Variants in TCERG1L observed in about 807,000 individuals in gnomAD.
The protein encoded by TCERG1L is transcription elongation regulator 1-like protein.
TCERG1L carries 37 observed loss-of-function variants against 56.3 expected under a neutral mutation model. The observed-to-expected ratio is 0.66, with a 90% CI of 0.51 to 0.87. The LOEUF is 0.87. Ranked by LOEUF, TCERG1L falls within the 40% of genes least tolerant of loss-of-function variation. The pLI is 0.00. For synonymous variants in TCERG1L, 324 were observed against 326.3 expected, an observed-to-expected ratio of 0.99 and a Z score of 0.08; for missense variants, 799 against 774.2, an observed-to-expected ratio of 1.03 and a Z score of -0.38.
intron 1 of TCERG1L, among the ~76,000 whole-genome samples, chr10:131,310,313 A>G (rs535352427): frequency 1.3e-5 from 2 of 152,352 alleles, no homozygotes; most frequent in South Asian, 2.1e-4. Context: ...ATAAAATCCA[A>G]AATAAACTGC....
Position 131,163,188 on chromosome 10 carries a change from C to A in TCERG1L, c.968G>T (p.Gly323Val). The A allele has an allele frequency of 2.6e-6, 4 of 1,558,462 alleles. No homozygotes were observed. Among genetic ancestry groups the A allele is most frequent in the Middle Eastern group, 1.7e-4 (1 of 5,932 alleles). Residue 323 changes from glycine (G) to valine (V), a missense_variant, in exon 6 of 12, where the codon GGA becomes GTA. Physicochemically the swap from Gly to Val is moderately radical, Grantham distance 109 (BLOSUM62 -3). Transcript: ENST00000368642. ...EDKEPPPMLG[G>V]GEDSTARGNR... ...GCCTCTGGCTGTGCTGTCCTCTCCT[C>A]CCCCCAGCATCGGTGGAGGCTCCTT...
intron 5 of TCERG1L, among the ~76,000 whole-genome samples, chr10:131,163,588 G>A (rs746635802): frequency 2.6e-5 from 4 of 152,158 alleles, no homozygotes; most frequent in Non-Finnish European, 5.9e-5. Flanking sequence ...GAGTCACTGT[G>A]CCATGAAAAC....
At chr10:131,283,466 A>C (rs1846486277) in intron 3 of TCERG1L, among the ~76,000 whole-genome samples, 1 of 152,244 alleles carries the variant, frequency 6.6e-6, no homozygotes, top group Non-Finnish European at 1.5e-5. Flanking sequence ...CCAAGTATTA[A>C]GAGGAAATGA....
rs1317699211 is a variant in TCERG1L, at chr10:131,260,513, G to A, written c.671-69C>T. The A allele has an allele frequency of 1.7e-5, 22 of 1,317,052 alleles. No homozygotes were observed. The highest frequency in any genetic ancestry group is 1.2e-4 in the South Asian group (5 of 41,984). 81.6% of individuals were successfully genotyped at this position (1,317,052 alleles called of 1,614,324 possible). A position where few individuals can be genotyped will look rare whatever the true frequency, so the allele number is the denominator to read the frequency against. ...GCCATGGGTGACAGATGCCCATCTC[G>A]CTACCGCAAGATATCAGCCCCCAGA... On this transcript the variant is annotated intron_variant, in intron 3 of 11. Coordinates refer to ENST00000368642, the MANE Select transcript of TCERG1L (RefSeq NM_174937.4). The surrounding 1 kb of genome is among the most constrained non-coding windows in gnomAD (Gnocchi z 5.8).
At chr10:131,212,622 T>G (rs991575849) in intron 4 of TCERG1L, among the ~76,000 whole-genome samples, 1 of 152,200 alleles carries the variant, frequency 6.6e-6, no homozygotes, top group African/African-American at 2.4e-5. Context: ...TCTTAGGTAC[T>G]CTCCTGAAAT....
intron 9 of TCERG1L, among the ~76,000 whole-genome samples, chr10:131,108,101 C>T (rs958055222): frequency 8.5e-5 from 13 of 152,170 alleles, no homozygotes; most frequent in Non-Finnish European, 5.9e-5. Flanking sequence ...CCGTCTATGT[C>T]GTGGGACTGT....
chr10:131,187,356 ATTGCAGAGAGCT>A (rs889255943), intron 4 of TCERG1L, among the ~76,000 whole-genome samples: 2 of 152,198 alleles, frequency 1.3e-5, no homozygotes, highest in Non-Finnish European at 2.9e-5. Flanking sequence ...AGGCCCAGCC[ATTGCAGAGAGCT>A]GAGAAGTTTG....
chr10:131,221,845 C>T (rs1228032157), intron 4 of TCERG1L, among the ~76,000 whole-genome samples: 4 of 152,204 alleles, frequency 2.6e-5, no homozygotes, highest in African/African-American at 9.7e-5. Flanking sequence ...GCCGCTGCCT[C>T]CACGTTGGGA....
chr10:131,172,122 G>A (rs1846098302), intron 4 of TCERG1L, among the ~76,000 whole-genome samples: 1 of 152,188 alleles, frequency 6.6e-6, no homozygotes, highest in South Asian at 2.1e-4. Flanking sequence ...GATTCCAAGT[G>A]TCAACATGAT....
intron 4 of TCERG1L, among the ~76,000 whole-genome samples, chr10:131,177,193 A>C (rs1445706179): frequency 2.4e-5 from 1 of 41,004 alleles, no homozygotes; most frequent in East Asian, 6.0e-4. Flanking sequence ...TGCACACACA[A>C]AGACACATGC....
At chr10:131,138,809 A>T (rs1845701638) in intron 7 of TCERG1L, among the ~76,000 whole-genome samples, 1 of 152,202 alleles carries the variant, frequency 6.6e-6, no homozygotes, top group South Asian at 2.1e-4. Context: ...TGAATTGTAC[A>T]TTTACACATG....
intron 4 of TCERG1L, among the ~76,000 whole-genome samples, chr10:131,237,291 C>T (rs891992439): frequency 3.3e-5 from 5 of 152,146 alleles, no homozygotes; most frequent in Non-Finnish European, 1.5e-5. Context: ...CTGAGCTCCC[C>T]TCCCTCCCCT....
At chr10:131,291,400 TC>T (rs150253904) in intron 3 of TCERG1L, among the ~76,000 whole-genome samples, 10 of 104,578 alleles carry the variant, frequency 9.6e-5, no homozygotes, top group East Asian at 9.0e-4. Context: ...AAACAGCATT[TC>T]TTTTTTTTTT....
At chr10:131,105,185 A>G (rs1393018162) in intron 9 of TCERG1L, among the ~76,000 whole-genome samples, 1 of 152,212 alleles carries the variant, frequency 6.6e-6, no homozygotes, top group African/African-American at 2.4e-5. Context: ...GCCTGGGGTT[A>G]TGGGTTTGGG....
intron 6 of TCERG1L, among the ~76,000 whole-genome samples, chr10:131,146,876 C>T (rs537726113): frequency 7.2e-5 from 11 of 152,262 alleles, no homozygotes; most frequent in African/African-American, 2.6e-4. Flanking sequence ...TTCTTATCAC[C>T]AGCCTTAGAC....
chr10:131,176,339 CAG>C (rs1489111091), intron 4 of TCERG1L, among the ~76,000 whole-genome samples: 1 of 148,304 alleles, frequency 6.7e-6, no homozygotes, highest in Non-Finnish European at 1.5e-5. Context: ...TGTACACCCA[CAG>C]AGATAGGCAC....
chr10:131,223,547 A>C (rs772076361), intron 4 of TCERG1L, among the ~76,000 whole-genome samples: 3 of 151,792 alleles, frequency 2.0e-5, no homozygotes, highest in African/African-American at 7.3e-5. Context: ...TGTGCCTTTT[A>C]ACTTCAAAAC....
intron 8 of TCERG1L, among the ~76,000 whole-genome samples, chr10:131,120,561 G>A (rs1434365995): frequency 6.6e-6 from 1 of 152,226 alleles, no homozygotes. Context: ...AGAGGAATGG[G>A]ATGTGTGATA....
At chr10:131,220,474 C>A (rs564477836) in intron 4 of TCERG1L, among the ~76,000 whole-genome samples, 3 of 152,346 alleles carry the variant, frequency 2.0e-5, no homozygotes, top group Admixed American at 2.0e-4. Context: ...GATCCCAGGG[C>A]TCCGTTCCTG....
Sources: gnomAD v4.1 joint callset for allele counts (sites outside exome capture counted in the v4.1 genomes callset) on GRCh38, gnomAD v4.1.1 for gene constraint, Gnocchi (gnomAD v3.1) non-coding constraint, MANE v1.5 for transcripts, NCBI Gene and HGNC (gene_info 2026-07-23, HGNC 2026-07-21) for gene names.